Variants in ZNF618 observed in about 807,000 individuals in gnomAD.
ZNF618 encodes the protein zinc finger protein 618, also known as neural precursor cell expressed, developmentally down-regulated 10.
A neutral mutation model predicts 103.0 loss-of-function variants in ZNF618; 34 were observed. The ratio of observed to expected loss-of-function variants is 0.33; its 90% confidence interval spans 0.25 to 0.44. The LOEUF is 0.44. Ranked by LOEUF, ZNF618 falls within the 20% of genes least tolerant of loss-of-function variation. ZNF618 has a pLI of 1.00. For missense variants in ZNF618, 1,059 were observed against 1,295.4 expected (o/e 0.82, Z 2.80); for synonymous variants, 551 against 542.2 (o/e 1.02, Z -0.23).
intron 2 of ZNF618, among the ~76,000 whole-genome samples, chr9:113,975,786 C>T (rs1838413124): frequency 6.6e-6 from 1 of 152,170 alleles, no homozygotes; most frequent in African/African-American, 2.4e-5. Flanking sequence ...ATGGTATTAG[C>T]AGAGTGAATT....
At chr9:113,970,298 T>C (rs184362870) in intron 2 of ZNF618, among the ~76,000 whole-genome samples, 10 of 152,230 alleles carry the variant, frequency 6.6e-5, no homozygotes, top group African/African-American at 2.2e-4. Flanking sequence ...TGGAAAGATA[T>C]TGACATTCTC....
At chr9:113,976,869 A>G (rs890469966) in intron 2 of ZNF618, among the ~76,000 whole-genome samples, 9 of 152,188 alleles carry the variant, frequency 5.9e-5, no homozygotes, top group African/African-American at 1.7e-4. Context: ...TATTAGATAT[A>G]TGGCACTTTA....
At chr9:113,924,057 T>C (rs1832868634) in intron 1 of ZNF618, among the ~76,000 whole-genome samples, 1 of 152,110 alleles carries the variant, frequency 6.6e-6, no homozygotes, top group Admixed American at 6.5e-5. Flanking sequence ...GGAAGTTTTC[T>C]CTCTGCTTCT....
chr9:113,969,617 G>A (rs1049186422), intron 2 of ZNF618, among the ~76,000 whole-genome samples: 1 of 152,186 alleles, frequency 6.6e-6, no homozygotes, highest in Admixed American at 6.5e-5. Context: ...GAGAGGGGGC[G>A]GCCTTTCCTC....
intron 1 of ZNF618, among the ~76,000 whole-genome samples, chr9:113,930,089 C>T (rs1833438468): frequency 6.6e-6 from 1 of 152,166 alleles, no homozygotes; most frequent in South Asian, 2.1e-4. Flanking sequence ...CAATGGCCCT[C>T]ATTCATTCCT....
chr9:113,966,775 C>T lies in ZNF618; in HGVS notation c.34-2342C>T, dbSNP rs536718012. ...CATCTGCCACCATCTGAACATCCCA[C>T]ACCCTGCCCAGGTAGAACTCTCCTC... is the stretch of plus-strand genomic sequence containing the variant. On this transcript the variant is annotated intron_variant, in intron 1 of 14. Transcript: ENST00000374126. Among the ~76,000 whole-genome samples, 13 of 152,350 alleles carry T rather than the reference C, an allele frequency of 8.5e-5. No homozygotes were observed. The South Asian group carries it at 2.7e-3, about 32-fold the overall frequency.
chr9:114,037,739 C>G (rs1048755324), intron 13 of ZNF618, among the ~76,000 whole-genome samples: 1 of 152,222 alleles, frequency 6.6e-6, no homozygotes, highest in African/African-American at 2.4e-5. Flanking sequence ...TTAGCGTAGT[C>G]TCTATCATTC....
chr9:113,966,109 T>C (rs1337866118), intron 1 of ZNF618, among the ~76,000 whole-genome samples: 2 of 152,092 alleles, frequency 1.3e-5, no homozygotes, highest in Non-Finnish European at 2.9e-5. Context: ...AACTATAGGG[T>C]TGTCAGTGAT....
chr9:113,965,480 G>A (rs900233781), intron 1 of ZNF618, among the ~76,000 whole-genome samples: 2 of 152,090 alleles, frequency 1.3e-5, no homozygotes, highest in Non-Finnish European at 2.9e-5. Context: ...GGGAAGAGGG[G>A]ACAGGCACCC....
intron 13 of ZNF618, among the ~76,000 whole-genome samples, chr9:114,037,013 G>A (rs915703110): frequency 2.0e-5 from 3 of 152,190 alleles, no homozygotes; most frequent in Non-Finnish European, 2.9e-5. Context: ...CTGGTTCAGG[G>A]ACCGCCCTTT....
chr9:113,939,816 T>A (rs1003019461), intron 1 of ZNF618, among the ~76,000 whole-genome samples: 1 of 152,126 alleles, frequency 6.6e-6, no homozygotes, highest in Non-Finnish European at 1.5e-5. Flanking sequence ...ATAGCCACTT[T>A]TTCATTTTTT....
At chr9:113,999,800 G>A (rs1419517267) in intron 4 of ZNF618, among the ~76,000 whole-genome samples, 1 of 152,236 alleles carries the variant, frequency 6.6e-6, no homozygotes, top group Non-Finnish European at 1.5e-5. Context: ...ATTAGATGGA[G>A]GACAGGGAGC....
chr9:113,969,447 T>G (rs1837742172), intron 2 of ZNF618, among the ~76,000 whole-genome samples: 1 of 152,206 alleles, frequency 6.6e-6, no homozygotes, highest in Non-Finnish European at 1.5e-5. Flanking sequence ...CAGAAAGACC[T>G]GGGCTGGAAT....
chr9:113,929,649 CT>C (rs1833400648), intron 1 of ZNF618, among the ~76,000 whole-genome samples: 1 of 152,152 alleles, frequency 6.6e-6, no homozygotes, highest in Non-Finnish European at 1.5e-5. Context: ...CCAAGCTGGG[CT>C]GGGAATCCTG....
chr9:114,015,285 A>G (rs1842563130), intron 9 of ZNF618, among the ~76,000 whole-genome samples: 1 of 152,274 alleles, frequency 6.6e-6, no homozygotes, highest in South Asian at 2.1e-4. Flanking sequence ...CAAAGAGTTT[A>G]GCCATTTCAT....
intron 10 of ZNF618, among the ~76,000 whole-genome samples, chr9:114,021,475 C>G (rs115966227): frequency 0.022 from 3,373 of 152,128 alleles, 135 homozygotes; most frequent in African/African-American, 0.077. Flanking sequence ...CAGGGAAATA[C>G]AGTCCTAGGA....
intron 1 of ZNF618, among the ~76,000 whole-genome samples, chr9:113,885,817 A>G (rs980947390): frequency 3.3e-5 from 5 of 152,230 alleles, no homozygotes; most frequent in Non-Finnish European, 7.3e-5. Flanking sequence ...TTTCTTAAAA[A>G]GGAAAGGAGG....
At chr9:114,016,950 A>G (rs1385830616) in intron 10 of ZNF618, 166 bp downstream of exon 10, 5 of 604,374 alleles carry the variant, frequency 8.3e-6, no homozygotes. Context: ...ACCTGTCTAC[A>G]GTGGCCGGCA....
At chr9:114,039,949 A>G (rs1213166857) in intron 13 of ZNF618, among the ~76,000 whole-genome samples, 1 of 150,592 alleles carries the variant, frequency 6.6e-6, no homozygotes. Context: ...GGGAGGGGGG[A>G]GGACACACAG....
Sources: allele counts gnomAD v4.1 joint callset (sites outside exome capture counted in the v4.1 genomes callset), GRCh38; gene constraint gnomAD v4.1.1; transcripts MANE v1.5; gene names NCBI Gene and HGNC (gene_info 2026-07-23, HGNC 2026-07-21).